Variants in FRRS1 observed in about 807,000 individuals in gnomAD.
FRRS1 encodes the protein ferric reductase 1.
In FRRS1, 51 loss-of-function variants were observed where a neutral mutation model predicts 70.7. That is an observed-to-expected ratio of 0.72 (90% confidence interval 0.58 to 0.91). FRRS1 has a LOEUF of 0.91. FRRS1 is among the 40% of genes least tolerant of loss of function. The probability of loss-of-function intolerance (pLI) is 0.00; values close to 1 mark genes in which losing one functional copy is unlikely to be tolerated. For synonymous variants in FRRS1, 225 were observed against 238.7 expected (o/e 0.94, Z 0.53); for missense variants, 672 against 726.0 (o/e 0.93, Z 0.86).
At chr1:99,763,123 T>C (rs1356430628) in intron 1 of FRRS1, among the ~76,000 whole-genome samples, 1 of 152,192 alleles carries the variant, frequency 6.6e-6, no homozygotes, top group African/African-American at 2.4e-5. Flanking sequence ...ACATTTAATA[T>C]TTTATACTTT....
intron 4 of FRRS1, among the ~76,000 whole-genome samples, chr1:99,744,965 G>A (rs1488013227): frequency 1.2e-5 from 1 of 84,830 alleles, no homozygotes; most frequent in Non-Finnish European, 2.4e-5. Context: ...GGGAGACTCC[G>A]TCTCAAAAAA....
chr1:99,745,366 C>T (rs4908012), intron 4 of FRRS1, among the ~76,000 whole-genome samples: 75,190 of 152,044 alleles, frequency 0.49, 22,605 homozygotes, highest in African/African-American at 0.85. Flanking sequence ...ACAAGAAGCA[C>T]CTTGCCAGTA....
At chr1:99,713,317 C>A (rs1312819691) in intron 12 of FRRS1, among the ~76,000 whole-genome samples, 1 of 152,196 alleles carries the variant, frequency 6.6e-6, no homozygotes, top group Non-Finnish European at 1.5e-5. Flanking sequence ...GCGCTCTTAA[C>A]CTTTGTTCTA....
intron 1 of FRRS1, among the ~76,000 whole-genome samples, chr1:99,754,614 A>C (rs1292817254): frequency 6.6e-6 from 1 of 152,208 alleles, no homozygotes; most frequent in African/African-American, 2.4e-5. Flanking sequence ...ATATCCATAG[A>C]CTATTTCATC....
At chr1:99,729,853 T>C (rs1655258742) in intron 7 of FRRS1, 105 bp from the exon 8 acceptor site, 2 of 691,080 alleles carry the variant, frequency 2.9e-6, no homozygotes, top group South Asian at 1.9e-5. Flanking sequence ...TGTGATGCTT[T>C]GAAAACATAA....
intron 1 of FRRS1, chr1:99,765,447 C>A (rs1657306966): frequency 6.6e-6 from 1 of 151,686 alleles, no homozygotes; most frequent in South Asian, 2.1e-4. Context: ...ACTAAAAATA[C>A]AAAATTAGCC....
chr1:99,711,077 A>C, intron 14 of FRRS1, 128 bp from the exon 15 acceptor site: 1 of 770,088 alleles, frequency 1.3e-6, no homozygotes, highest in Non-Finnish European at 2.0e-6. Flanking sequence ...ATTAATATCT[A>C]AGACCAAATA....
intron 13 of FRRS1, 96 bp from the exon 14 acceptor site, chr1:99,712,259 G>A: frequency 1.0e-6 from 1 of 981,244 alleles, no homozygotes; most frequent in Non-Finnish European, 1.6e-6. Flanking sequence ...TATTGTCTGG[G>A]AATTAGATAT....
intron 7 of FRRS1, 81 bp downstream of exon 7, chr1:99,738,005 T>A (rs1655759457): frequency 1.4e-5 from 17 of 1,182,296 alleles, no homozygotes; most frequent in Non-Finnish European, 1.8e-5. Context: ...CCTCCCAAAG[T>A]GCTGGGATTA....
At chr1:99,753,626 CTGGGCATTGCGGG>C (rs1458645907) in intron 1 of FRRS1, among the ~76,000 whole-genome samples, 1 of 151,956 alleles carries the variant, frequency 6.6e-6, no homozygotes, top group Non-Finnish European at 1.5e-5. Flanking sequence ...AAAAAATTAG[CTGGGCATTGCGGG>C]TGGGCACCTG....
chr1:99,728,608 C>T lies in FRRS1; in HGVS notation c.891G>A (p.Ala297=), dbSNP rs894624543. The part of the protein sequence containing the change: ...DTLEDMAWRL[A]DGVMQCSFRR... Reference sequence around the variant, plus strand: ...TGAAAGAACACTGCATAACACCGTCCGCCAACCTCCAAGCCATATCCTCAA... The same window carrying T: ...TGAAAGAACACTGCATAACACCGTCTGCCAACCTCCAAGCCATATCCTCAA... Residue 297 remains alanine (A), a synonymous_variant, in exon 9 of 17, where the codon GCG becomes GCA. Transcript: ENST00000646001. 26 of 1,613,748 alleles carry T rather than the reference C, an allele frequency of 1.6e-5. No homozygotes were observed. The highest frequency in any genetic ancestry group is 1.6e-4 in the Middle Eastern group (1 of 6,082).
rs1009260562 is a variant in FRRS1, at chr1:99,719,449, A to T, written c.1120+85T>A. The T allele has an allele frequency of 5.4e-6, 4 of 744,764 alleles. No homozygotes were observed. In the Admixed American group the frequency reaches 7.2e-5, roughly 13 times the overall value. 46.1% of individuals were successfully genotyped at this position (744,764 alleles called of 1,614,324 possible). A position where few individuals can be genotyped will look rare whatever the true frequency, so the allele number is the denominator to read the frequency against. ...AAAATGCTTTATAAAAATTAGCTAC[A>T]TTATACCCACAGCCATTCCTAATCC... is the stretch of plus-strand genomic sequence containing the variant. On this transcript the variant is annotated intron_variant, in intron 10 of 16. Transcript: ENST00000646001.
chr1:99,742,249 C>T lies in FRRS1; in HGVS notation c.358G>A (p.Ala120Thr). The T allele has an allele frequency of 1.2e-6, 2 of 1,609,888 alleles. No homozygotes were observed. The highest frequency in any genetic ancestry group is 1.7e-6 in the Non-Finnish European group (2 of 1,176,204). The part of the protein sequence containing the change: ...IQGSAVSHRS[A>T]SKKTEIKVYW... ...ACTTTAATTTCTGTTTTTTTAGATG[C>T]ACTTCTGTGACTCACTGCTGATCCC... Residue 120 changes from alanine to threonine, a missense_variant, in exon 5 of 17, where the codon GCA becomes ACA. Transcript: ENST00000646001.
intron 9 of FRRS1, among the ~76,000 whole-genome samples, chr1:99,724,387 A>G (rs958706229): frequency 1.3e-5 from 2 of 152,228 alleles, no homozygotes; most frequent in African/African-American, 4.8e-5. Flanking sequence ...AGTGATTTCT[A>G]TCTTTCAGTT....
chr1:99,712,179 C>A lies in FRRS1; in HGVS notation c.1422-16G>T. The stretch of plus-strand genomic sequence containing the variant: ...CATTTGCCTTCTACCAAAATAAGAA[C>A]CAGTCAGTATTCTTAAAAGCAATGG... On this transcript the variant is annotated splice_polypyrimidine_tract_variant and intron_variant, in intron 13 of 16. Transcript: ENST00000646001. 6.4e-7 allele frequency: 1 copy of A among 1,568,538 alleles called. No homozygotes were observed. The highest frequency in any genetic ancestry group is 1.7e-4 in the Middle Eastern group (1 of 5,972).
In FRRS1 at chr1:99,712,529, C is replaced by T. The variant is rs375847271; in HGVS notation, c.1324-14G>A. On this transcript the variant is annotated splice_polypyrimidine_tract_variant and intron_variant, in intron 12 of 16. Transcript: ENST00000646001. ...GTAACCTGCATGCTAAACAAAGTTA[C>T]ATCATTTTAATGGCCTCAATCTCTC... The T allele has an allele frequency of 7.9e-6, 12 of 1,512,484 alleles. No individual in the cohort carries two copies. In the African/African-American group the frequency reaches 1.7e-4, roughly 21 times the overall value. The allele number at this position is 1,512,484 out of a possible 1,614,324, so 93.7% of individuals were successfully genotyped here.
At chr1:99,719,260 T>C (rs1654683946) in intron 10 of FRRS1, among the ~76,000 whole-genome samples, 1 of 151,886 alleles carries the variant, frequency 6.6e-6, no homozygotes, top group Non-Finnish European at 1.5e-5. Flanking sequence ...AGTACACAAA[T>C]TAGCTGGGTG....
intron 1 of FRRS1, among the ~76,000 whole-genome samples, chr1:99,761,928 A>T (rs1350919992): frequency 1.3e-5 from 2 of 152,224 alleles, no homozygotes; most frequent in Non-Finnish European, 2.9e-5. Context: ...CATGTCAAGG[A>T]CTTAGTATGC....
intron 7 of FRRS1, among the ~76,000 whole-genome samples, chr1:99,731,932 A>G (rs1655408440): frequency 6.6e-6 from 1 of 152,152 alleles, no homozygotes; most frequent in East Asian, 1.9e-4. Context: ...ACCCAAAGTG[A>G]TGAGACTACA....
Sources: allele counts gnomAD v4.1 joint callset (sites outside exome capture counted in the v4.1 genomes callset), GRCh38; gene constraint gnomAD v4.1.1; transcripts MANE v1.5; gene names NCBI Gene and HGNC (gene_info 2026-07-23, HGNC 2026-07-21).